RARB: variants seen among roughly 807,000 people sequenced by gnomAD.
RARB encodes the protein retinoic acid receptor beta.
RARB carries 17 observed loss-of-function variants against 51.9 expected under a neutral mutation model. The ratio of observed to expected loss-of-function variants is 0.33; its 90% CI spans 0.22 to 0.49. The LOEUF is 0.49. RARB is among the 20% of genes least tolerant of loss of function. The probability of loss-of-function intolerance (pLI) is 0.99; values close to 1 mark genes in which losing one functional copy is unlikely to be tolerated. For synonymous variants in RARB, 215 were observed against 195.4 expected, an observed-to-expected ratio of 1.10 and a Z score of -0.84; for missense variants, 369 against 550.8, an observed-to-expected ratio of 0.67 and a Z score of 3.30.
In RARB at chr3:25,343,024, T is replaced by TTGTGTGTGTGTGTGTGTG. The variant is rs6147737; in HGVS notation, c.179-118137_179-118120dup. 7.3e-4 allele frequency among the ~76,000 whole-genome samples: 97 copies of TTGTGTGTGTGTGTGTGTG among 132,154 alleles called. 2 individuals carry two copies. The highest frequency in any genetic ancestry group is 9.5e-4 in the Non-Finnish European group (60 of 63,472). The allele number at this position is 132,154 out of a possible 152,430, so 86.7% of individuals were successfully genotyped here. A position where few individuals can be genotyped will look rare whatever the true frequency, so the allele number is the denominator to read the frequency against. ...TTCCTGTTTACATTTTGCAAGTACT[T>TTGTGTGTGTGTGTGTGTG]TGTGTGTGTGTGTGTGTGTGTGTGT... On this transcript the variant is annotated intron_variant, in intron 5 of 11. Transcript: ENST00000383772.
chr3:25,542,369 A>G (rs1184381252), intron 3 of RARB, among the ~76,000 whole-genome samples: 1 of 152,224 alleles, frequency 6.6e-6, no homozygotes, highest in Non-Finnish European at 1.5e-5. Context: ...GTAATAAGTG[A>G]CTGGATTTTT....
chr3:25,376,779 G>A (rs1706473919), intron 5 of RARB, among the ~76,000 whole-genome samples: 1 of 152,198 alleles, frequency 6.6e-6, no homozygotes, highest in Non-Finnish European at 1.5e-5. Context: ...ACCCCTGGTG[G>A]AAGCAGTTCC....
At chr3:25,074,767 A>G (rs1156841323) in intron 3 of RARB, among the ~76,000 whole-genome samples, 1 of 152,186 alleles carries the variant, frequency 6.6e-6, no homozygotes, top group Non-Finnish European at 1.5e-5. Flanking sequence ...TGTGATTCCT[A>G]CCAGCCTCAC....
intron 2 of RARB, among the ~76,000 whole-genome samples, chr3:24,884,445 G>T (rs749670631): frequency 1.3e-5 from 2 of 152,158 alleles, no homozygotes; most frequent in African/African-American, 4.8e-5. Context: ...TGAGGGCACA[G>T]TTTTCCAGAG....
chr3:25,566,377 TC>T (rs1700496434), intron 3 of RARB, among the ~76,000 whole-genome samples: 1 of 152,192 alleles, frequency 6.6e-6, no homozygotes, highest in Non-Finnish European at 1.5e-5. Context: ...TGGTGGGACT[TC>T]ACGTAGGGGA....
At chr3:25,085,516 T>C (rs1699089355) in intron 3 of RARB, among the ~76,000 whole-genome samples, 1 of 152,132 alleles carries the variant, frequency 6.6e-6, no homozygotes, top group Admixed American at 6.6e-5. Flanking sequence ...TTCCTTCCCA[T>C]GTTTTTCTTA....
At chr3:25,268,710 C>T (rs566280710) in intron 5 of RARB, among the ~76,000 whole-genome samples, 3 of 152,304 alleles carry the variant, frequency 2.0e-5, no homozygotes, top group East Asian at 1.9e-4. Context: ...TTCACTTTCT[C>T]ATTTCATTTT....
chr3:25,084,093 C>G (rs1369956628), intron 3 of RARB, among the ~76,000 whole-genome samples: 2 of 152,122 alleles, frequency 1.3e-5, no homozygotes, highest in Non-Finnish European at 2.9e-5. Context: ...TCAGTAAGAC[C>G]CCTAAACTGA....
chr3:24,883,459 T>C (rs57267142), intron 2 of RARB, among the ~76,000 whole-genome samples: 1 of 151,610 alleles, frequency 6.6e-6, no homozygotes, highest in Non-Finnish European at 1.5e-5. Flanking sequence ...AAACAAACTT[T>C]TAAATGCTAT....
chr3:25,064,177 G>A (rs1698611736), intron 3 of RARB, among the ~76,000 whole-genome samples: 1 of 152,080 alleles, frequency 6.6e-6, no homozygotes, highest in Non-Finnish European at 1.5e-5. Flanking sequence ...TTTAGGATAT[G>A]AGAACTGGAG....
chr3:25,569,170 A>G (rs563816625), intron 3 of RARB, among the ~76,000 whole-genome samples: 2 of 152,396 alleles, frequency 1.3e-5, no homozygotes, highest in South Asian at 4.1e-4. Flanking sequence ...AAGTAATTTT[A>G]TATTCCAAAA....
In RARB at chr3:25,242,252, G is replaced by A. The variant is rs181783939; in HGVS notation, c.178+67677G>A. ...AGCAAAAATTTTCTCCCATTCTGTA[G>A]GTTGCCTGTTCACTCTGATGGTAGT... is the stretch of plus-strand genomic sequence containing the variant. On this transcript the variant is annotated intron_variant, in intron 5 of 11. Transcript: ENST00000383772. Among the ~76,000 whole-genome samples, 211 of 152,162 alleles carry A rather than the reference G, an allele frequency of 1.4e-3. 1 individual carries two copies. The highest frequency in any genetic ancestry group is 0.011 in the Admixed American group (165 of 15,278).
intron 3 of RARB, among the ~76,000 whole-genome samples, chr3:25,103,269 CAGTG>C (rs1311895595): frequency 6.6e-6 from 1 of 152,138 alleles, no homozygotes; most frequent in Non-Finnish European, 1.5e-5. Flanking sequence ...GCTAAGGACT[CAGTG>C]AGTAAATGAG....
intron 5 of RARB, among the ~76,000 whole-genome samples, chr3:25,213,230 A>G (rs1468152791): frequency 6.6e-6 from 1 of 152,146 alleles, no homozygotes; most frequent in South Asian, 2.1e-4. Flanking sequence ...TTTCTTCCCT[A>G]TTCCCCAAGT....
chr3:25,206,760 G>A (rs1400151168), intron 5 of RARB, among the ~76,000 whole-genome samples: 1 of 152,118 alleles, frequency 6.6e-6, no homozygotes, highest in Non-Finnish European at 1.5e-5. Context: ...GCGTACTATG[G>A]ATGCTTATTC....
intron 5 of RARB, among the ~76,000 whole-genome samples, chr3:25,581,258 C>G (rs555165816): frequency 6.6e-6 from 1 of 152,258 alleles, no homozygotes; most frequent in Admixed American, 6.5e-5. Context: ...TATGAGAGAC[C>G]TAATAAAAAA....
intron 5 of RARB, among the ~76,000 whole-genome samples, chr3:25,413,937 G>A (rs763552492): frequency 5.3e-5 from 8 of 152,172 alleles, no homozygotes; most frequent in Non-Finnish European, 8.8e-5. Context: ...TTCTTAAAGT[G>A]TAAAATGTGT....
chr3:25,334,722 A>G (rs2125447156), intron 5 of RARB, among the ~76,000 whole-genome samples: 1 of 152,154 alleles, frequency 6.6e-6, no homozygotes. Context: ...ATAAATAAAT[A>G]AGTGGTTTCC....
chr3:25,465,290 A>G (rs906041176), intron 2 of RARB, among the ~76,000 whole-genome samples: 2 of 152,164 alleles, frequency 1.3e-5, no homozygotes, highest in Non-Finnish European at 2.9e-5. Context: ...GATATTTACT[A>G]TGGGCCCTGT....
Sources: gnomAD v4.1 joint callset for allele counts (sites outside exome capture counted in the v4.1 genomes callset) on GRCh38, gnomAD v4.1.1 for gene constraint, MANE v1.5 for transcripts, NCBI Gene and HGNC (gene_info 2026-07-23, HGNC 2026-07-21) for gene names.